Variants in CALD1 observed in about 807,000 individuals in gnomAD.
CALD1 encodes the protein caldesmon.
CALD1 carries 33 observed loss-of-function variants against 99.9 expected under a neutral mutation model. That is an observed-to-expected ratio of 0.33 (90% confidence interval 0.25 to 0.44). The LOEUF is 0.44. Among genes scored for constraint, CALD1 ranks in the 20% least tolerant of loss-of-function variants. CALD1 has a pLI of 1.00. For synonymous variants in CALD1, 310 were observed against 325.0 expected (o/e 0.95, Z 0.50); for missense variants, 861 against 962.1 (o/e 0.89, Z 1.39).
At chr7:134,848,195 G>A (rs755574730) in intron 2 of CALD1, among the ~76,000 whole-genome samples, 16 of 151,448 alleles carry the variant, frequency 1.1e-4, no homozygotes, top group South Asian at 2.1e-4. Flanking sequence ...TTTAATAGAC[G>A]TTTCCTAGAG....
intron 1 of CALD1, among the ~76,000 whole-genome samples, chr7:134,788,470 C>T (rs923458617): frequency 3.3e-5 from 5 of 152,176 alleles, no homozygotes; most frequent in Non-Finnish European, 5.9e-5. Context: ...CTAAGGGATG[C>T]GGTGGTAAAA....
the CALD1 span, among the ~76,000 whole-genome samples, chr7:134,721,102 A>G: frequency 4.6e-5 from 7 of 152,140 alleles, no homozygotes; most frequent in African/African-American, 7.2e-5. Flanking sequence ...GATATTCGCT[A>G]TAGGCCGCTG....
At chr7:134,891,412 G>A (rs1358676644) in intron 3 of CALD1, 2 of 1,285,216 alleles carry the variant, frequency 1.6e-6, no homozygotes, top group Non-Finnish European at 2.0e-6. Flanking sequence ...CGGGTTGGGA[G>A]GAGTAGATTT....
At chr7:134,905,181 C>T (rs1370576707) in intron 3 of CALD1, among the ~76,000 whole-genome samples, 1 of 152,102 alleles carries the variant, frequency 6.6e-6, no homozygotes, top group East Asian at 1.9e-4. Flanking sequence ...CAATTCCCCA[C>T]TTCTTGTTTG....
intron 2 of CALD1, among the ~76,000 whole-genome samples, chr7:134,846,992 T>C (rs896745024): frequency 6.6e-6 from 1 of 152,214 alleles, no homozygotes; most frequent in African/African-American, 2.4e-5. Flanking sequence ...GGTGTTCCAA[T>C]GAATGATGGC....
intron 2 of CALD1, among the ~76,000 whole-genome samples, chr7:134,846,439 C>A (rs3800723): frequency 0.29 from 44,838 of 152,032 alleles, 8,102 homozygotes; most frequent in African/African-American, 0.52. Context: ...CCAGCCTCCC[C>A]TCTCTAGGCC....
the CALD1 span, among the ~76,000 whole-genome samples, chr7:134,714,458 ACT>A: frequency 1.3e-5 from 2 of 151,930 alleles, no homozygotes; most frequent in East Asian, 3.9e-4. Context: ...AGAAGACCTA[ACT>A]CTGCCCACCT....
chr7:134,870,289 T>A (rs1325623267), intron 3 of CALD1, among the ~76,000 whole-genome samples: 1 of 152,180 alleles, frequency 6.6e-6, no homozygotes, highest in Non-Finnish European at 1.5e-5. Context: ...ACACTGGGCA[T>A]CAGGCTAGAT....
At chr7:134,960,192 T>C (rs1808154172) in intron 12 of CALD1, 81 bp downstream of exon 12, 1 of 1,474,374 alleles carries the variant, frequency 6.8e-7, no homozygotes, top group Non-Finnish European at 9.4e-7. Context: ...ATCACACTAG[T>C]AAATAATAAA....
At chr7:134,808,578 G>A (rs140099206) in intron 1 of CALD1, among the ~76,000 whole-genome samples, 672 of 152,274 alleles carry the variant, frequency 4.4e-3, no homozygotes, top group Admixed American at 8.4e-3. Flanking sequence ...TCTATGGCAC[G>A]CCTCTGAATG....
chr7:134,824,861 A>G (rs1020132877), intron 1 of CALD1, among the ~76,000 whole-genome samples: 16 of 152,176 alleles, frequency 1.1e-4, no homozygotes, highest in African/African-American at 3.6e-4. Context: ...GAATATTAGA[A>G]CTAGAGATAT....
chr7:134,823,124 C>T (rs546576450), intron 1 of CALD1, among the ~76,000 whole-genome samples: 10 of 152,222 alleles, frequency 6.6e-5, no homozygotes, highest in South Asian at 4.2e-4. Flanking sequence ...TCTATATGTA[C>T]GTACATATCA....
At chr7:134,862,047 G>C (rs1800585205) in intron 2 of CALD1, among the ~76,000 whole-genome samples, 2 of 152,206 alleles carry the variant, frequency 1.3e-5, no homozygotes, top group African/African-American at 4.8e-5. Context: ...GCATTTGGAA[G>C]GCTAATTCAA....
chr7:134,712,990 T>C, the CALD1 span, among the ~76,000 whole-genome samples: 10 of 152,216 alleles, frequency 6.6e-5, no homozygotes, highest in Admixed American at 5.2e-4. Flanking sequence ...CAGTCTATAA[T>C]ATACAAGGGA....
upstream of CALD1, among the ~76,000 whole-genome samples, chr7:134,743,195 G>T (rs1796605864): frequency 6.6e-6 from 1 of 152,160 alleles, no homozygotes; most frequent in Admixed American, 6.5e-5. Flanking sequence ...GCCCTGGCTT[G>T]GTTCTTCCAT....
chr7:134,726,917 G>C, the CALD1 span, among the ~76,000 whole-genome samples: 1 of 152,140 alleles, frequency 6.6e-6, no homozygotes, highest in Admixed American at 6.5e-5. Context: ...TCCACATCTG[G>C]TGCTCCTCAG....
intron 3 of CALD1, among the ~76,000 whole-genome samples, chr7:134,886,460 A>G (rs1247903057): frequency 6.6e-6 from 1 of 152,270 alleles, no homozygotes; most frequent in Non-Finnish European, 1.5e-5. Flanking sequence ...AAGAGATGCT[A>G]TTATCAATGT....
intron 1 of CALD1, among the ~76,000 whole-genome samples, chr7:134,771,934 G>A (rs1053452458): frequency 1.6e-4 from 25 of 151,566 alleles, no homozygotes; most frequent in Middle Eastern, 3.2e-3. Context: ...TTTTTATAGC[G>A]CTTACCACTG....
intron 1 of CALD1, among the ~76,000 whole-genome samples, chr7:134,793,974 C>G (rs556118728): frequency 6.6e-6 from 1 of 152,298 alleles, no homozygotes; most frequent in South Asian, 2.1e-4. Context: ...CACTTCAATT[C>G]TTCTTCTCCC....
Sources: gnomAD v4.1 joint callset for allele counts (sites outside exome capture counted in the v4.1 genomes callset) on GRCh38, gnomAD v4.1.1 for gene constraint, MANE v1.5 for transcripts, NCBI Gene and HGNC (gene_info 2026-07-23, HGNC 2026-07-21) for gene names.